The following PLXDC1 variants were observed in gnomAD, a reference collection of about 807,000 sequenced individuals.
PLXDC1 encodes the protein plexin domain containing 1.
In PLXDC1, 39 loss-of-function variants were observed where a neutral mutation model predicts 61.3. That is an observed-to-expected ratio of 0.64 (90% CI 0.49 to 0.83). PLXDC1 has a LOEUF of 0.83. Ranked by LOEUF, PLXDC1 falls within the 40% of genes least tolerant of loss-of-function variation. The probability of loss-of-function intolerance (pLI) is 0.00; values close to 1 mark genes in which losing one functional copy is unlikely to be tolerated. For synonymous variants in PLXDC1, 212 were observed against 254.5 expected (o/e 0.83, Z 1.59); for missense variants, 596 against 666.5 (o/e 0.89, Z 1.17).
chr17:39,114,869 C>T (rs1438466194), intron 2 of PLXDC1, among the ~76,000 whole-genome samples: 3 of 152,168 alleles, frequency 2.0e-5, no homozygotes, highest in African/African-American at 7.2e-5. Context: ...CTTCCTGGGC[C>T]CCGCACAGCG....
chr17:39,075,052 T>C (rs9903834), intron 11 of PLXDC1, among the ~76,000 whole-genome samples: 93,834 of 152,042 alleles, frequency 0.62, 29,294 homozygotes, highest in African/African-American at 0.69. Context: ...CTCAACCTCC[T>C]AGGCTTAACC....
rs997656377 is a variant in PLXDC1, at chr17:39,067,582, A to G, written c.*258T>C. 1 of 393,110 alleles carries G rather than the reference A, an allele frequency of 2.5e-6. No homozygotes were observed. The allele number at this position is 393,110 out of a possible 1,614,324, so 24.4% of individuals were successfully genotyped here. On this transcript the variant is annotated 3_prime_UTR_variant, in exon 14 of 14. Transcript: ENST00000315392. The stretch of plus-strand genomic sequence containing the variant: ...TCTTCTGCTGTTTCATGGTTACAAG[A>G]CACAGAAGAGAACCCTTGCATCAAA...
Position 39,095,292 on chromosome 17 carries a change from A to G in PLXDC1, c.812-7590T>C, listed in dbSNP as rs181610588. On this transcript the variant is annotated intron_variant, in intron 7 of 13. Coordinates refer to ENST00000315392, the MANE Select transcript of PLXDC1 (RefSeq NM_020405.5). Reference sequence around the variant, plus strand: ...TAATTGAAACTATTTGCTCACTTCAACTGCCAGCTTGTACTTGTTCGAGTG... The same window carrying G: ...TAATTGAAACTATTTGCTCACTTCAGCTGCCAGCTTGTACTTGTTCGAGTG... Among the ~76,000 whole-genome samples, 102 of 150,748 alleles carry G rather than the reference A, an allele frequency of 6.8e-4. 2 individuals are homozygous for G. The highest frequency in any genetic ancestry group is 3.9e-4 in the East Asian group (2 of 5,078).
intron 7 of PLXDC1, among the ~76,000 whole-genome samples, chr17:39,089,245 C>T (rs1770149558): frequency 6.6e-6 from 1 of 152,208 alleles, no homozygotes; most frequent in South Asian, 2.1e-4. Context: ...CATGATCCTG[C>T]CTCTCTGGCC....
intron 8 of PLXDC1, among the ~76,000 whole-genome samples, chr17:39,086,102 T>G (rs1004065260): frequency 6.6e-6 from 1 of 152,176 alleles, no homozygotes. Flanking sequence ...CCAAAACATT[T>G]CACTGCTTCC....
chr17:39,127,865 G>A (rs1911357575), intron 2 of PLXDC1, among the ~76,000 whole-genome samples: 1 of 146,734 alleles, frequency 6.8e-6, no homozygotes, highest in South Asian at 2.2e-4. Flanking sequence ...GGCTGAGGCA[G>A]GAGAATGGCG....
chr17:39,090,163 G>C (rs940952788), intron 7 of PLXDC1, among the ~76,000 whole-genome samples: 1 of 152,094 alleles, frequency 6.6e-6, no homozygotes, highest in South Asian at 2.1e-4. Context: ...CCAGGACTGC[G>C]CCCCCGTGGG....
intron 6 of PLXDC1, 133 bp downstream of exon 6, chr17:39,107,274 C>A: frequency 1.6e-6 from 1 of 614,274 alleles, no homozygotes; most frequent in East Asian, 2.7e-5. Context: ...AAGGGTAGGA[C>A]CCGCAAACAT....
intron 8 of PLXDC1, among the ~76,000 whole-genome samples, 200 bp from the exon 9 acceptor site, chr17:39,083,740 G>A (rs1173577331): frequency 6.6e-6 from 1 of 152,024 alleles, no homozygotes; most frequent in Non-Finnish European, 1.5e-5. Context: ...GTCTCGCTGT[G>A]TTGCCCAGGT....
At chr17:39,091,529 C>A (rs1219312406) in intron 7 of PLXDC1, among the ~76,000 whole-genome samples, 4 of 152,158 alleles carry the variant, frequency 2.6e-5, no homozygotes, top group Non-Finnish European at 5.9e-5. Flanking sequence ...TGCTCCTCCT[C>A]AGGAAAGCAG....
Position 39,093,287 on chromosome 17 carries a change from G to A in PLXDC1, c.812-5585C>T, listed in dbSNP as rs138748082. Among the ~76,000 whole-genome samples the A allele has an allele frequency of 2.0e-4, 30 of 152,088 alleles. No individual in the cohort carries two copies. In the East Asian group the frequency reaches 2.9e-3, roughly 15 times the overall value. ...GGGTCTCCCTATGTTGCCCAGGCTG[G>A]TCCCAAACTCCTGGCCTCAAGCAAT... On this transcript the variant is annotated intron_variant, in intron 7 of 13. Transcript: ENST00000315392.
intron 7 of PLXDC1, among the ~76,000 whole-genome samples, chr17:39,090,146 A>G (rs1316404543): frequency 2.0e-5 from 3 of 152,028 alleles, no homozygotes; most frequent in Admixed American, 6.6e-5. Flanking sequence ...AGTCCCTCCT[A>G]CTTAACCCAG....
chr17:39,134,435 G>C (rs980762528), intron 2 of PLXDC1, among the ~76,000 whole-genome samples: 1 of 150,464 alleles, frequency 6.6e-6, no homozygotes, highest in Admixed American at 6.6e-5. Flanking sequence ...AGACCAGCCT[G>C]GGCAACACAG....
At chr17:39,128,097 G>GTATATATATATATATATATATA (rs1419922925) in intron 2 of PLXDC1, among the ~76,000 whole-genome samples, 1,064 of 67,416 alleles carry the variant, frequency 0.016, 101 homozygotes, top group South Asian at 0.034. Flanking sequence ...CTCTCTATGT[G>GTATATATATATATATATATATA]TATATATATA....
chr17:39,115,143 G>A (rs547136875), intron 2 of PLXDC1, among the ~76,000 whole-genome samples: 36 of 148,868 alleles, frequency 2.4e-4, no homozygotes, highest in African/African-American at 9.1e-4. Context: ...TCTGACACCT[G>A]GATGATCCCT....
intron 8 of PLXDC1, 84 bp downstream of exon 8, chr17:39,087,523 G>T: frequency 9.4e-7 from 1 of 1,064,566 alleles, no homozygotes; most frequent in Admixed American, 1.8e-5. Context: ...GCACAAAACA[G>T]GAGTCAGTCA....
At chr17:39,128,227 AT>A (rs1267103593) in intron 2 of PLXDC1, among the ~76,000 whole-genome samples, 1 of 147,868 alleles carries the variant, frequency 6.8e-6, no homozygotes, top group Non-Finnish European at 1.5e-5. Flanking sequence ...GTATATATAT[AT>A]TTTTTTGAGA....
At chr17:39,079,581 A>G in intron 9 of PLXDC1, 1 of 456,954 alleles carries the variant, frequency 2.2e-6, no homozygotes, top group Non-Finnish European at 4.4e-6. Context: ...AGACTTAGTC[A>G]ACACCTCCCC....
intron 7 of PLXDC1, among the ~76,000 whole-genome samples, chr17:39,096,646 G>C (rs1052070991): frequency 6.6e-6 from 1 of 152,218 alleles, no homozygotes; most frequent in Admixed American, 6.5e-5. Context: ...CAGCATGTTG[G>C]GGCCGTCCAA....
Sources: gnomAD v4.1 joint callset for allele counts (sites outside exome capture counted in the v4.1 genomes callset) on GRCh38, gnomAD v4.1.1 for gene constraint, MANE v1.5 for transcripts, NCBI Gene and HGNC (gene_info 2026-07-23, HGNC 2026-07-21) for gene names.